Variants in RALA observed in about 807,000 individuals in gnomAD.
The protein encoded by RALA is RAS like proto-oncogene A.
A neutral mutation model predicts 24.0 loss-of-function variants in RALA; 5 were observed. That is an observed-to-expected ratio of 0.21 (90% CI 0.11 to 0.44). RALA has a LOEUF of 0.44. Ranked by LOEUF, RALA falls within the 20% of genes least tolerant of loss-of-function variation. RALA has a pLI of 0.99. For missense variants in RALA, 95 were observed against 241.2 expected (o/e 0.39, Z 4.01); for synonymous variants, 77 against 83.8 (o/e 0.92, Z 0.44).
chr7:39,659,120 AAC>A (rs1792142704), intron 1 of RALA, among the ~76,000 whole-genome samples: 1 of 151,998 alleles, frequency 6.6e-6, no homozygotes, highest in South Asian at 2.1e-4. Context: ...TCTAGAAAAA[AAC>A]ACAGCGAAAA....
intron 1 of RALA, among the ~76,000 whole-genome samples, chr7:39,635,324 G>A (rs560374976): frequency 5.9e-5 from 9 of 152,240 alleles, no homozygotes; most frequent in East Asian, 1.9e-4. Flanking sequence ...GCAGTGAGCC[G>A]AGATCGTGCC....
chr7:39,630,198 C>A (rs544503505), intron 1 of RALA, among the ~76,000 whole-genome samples: 1 of 150,722 alleles, frequency 6.6e-6, no homozygotes, highest in Non-Finnish European at 1.5e-5. Flanking sequence ...TGCATGCCAC[C>A]ATGCCTTGCT....
chr7:39,624,870 G>A (rs1383481812), intron 1 of RALA, among the ~76,000 whole-genome samples: 1 of 152,070 alleles, frequency 6.6e-6, no homozygotes, highest in Non-Finnish European at 1.5e-5. Context: ...GATTTCATTG[G>A]TAAACTCTTA....
chr7:39,698,766 C>T (rs1038731181), intron 4 of RALA, among the ~76,000 whole-genome samples: 4 of 152,086 alleles, frequency 2.6e-5, no homozygotes, highest in Non-Finnish European at 5.9e-5. Context: ...CATCTGTTGG[C>T]ATCAGAGGCC....
intron 1 of RALA, among the ~76,000 whole-genome samples, chr7:39,682,827 G>A (rs1792630147): frequency 6.6e-6 from 1 of 152,036 alleles, no homozygotes; most frequent in African/African-American, 2.4e-5. Context: ...TGTATTTTTA[G>A]TAGATGTGGG....
chr7:39,674,053 ATAAATAAATAAAT>A (rs1562618733), intron 1 of RALA, among the ~76,000 whole-genome samples: 22 of 110,062 alleles, frequency 2.0e-4, no homozygotes, highest in African/African-American at 6.4e-4. Flanking sequence ...AAATAAATAA[ATAAATAAATAAAT>A]AAATAAATAA....
At chr7:39,671,611 C>G (rs1170799201) in intron 1 of RALA, among the ~76,000 whole-genome samples, 2 of 152,090 alleles carry the variant, frequency 1.3e-5, no homozygotes, top group Non-Finnish European at 2.9e-5. Context: ...AGATAAAACT[C>G]GACCCTTCAT....
chr7:39,640,992 C>G (rs1444422122), intron 1 of RALA, among the ~76,000 whole-genome samples: 5 of 152,108 alleles, frequency 3.3e-5, no homozygotes, highest in Non-Finnish European at 5.9e-5. Context: ...CAGTTCTTCC[C>G]AGCTCAGCAG....
intron 1 of RALA, among the ~76,000 whole-genome samples, chr7:39,676,176 T>C (rs1295876534): frequency 1.3e-5 from 2 of 152,088 alleles, no homozygotes; most frequent in East Asian, 3.9e-4. Flanking sequence ...GGGGTTCCAC[T>C]GTGTTAGCCA....
rs770095773 is a variant in RALA at position 39,696,718 on chromosome 7, T to C, written c.357T>C (p.Asn119=). 1 of 1,608,420 alleles carries C rather than the reference T, an allele frequency of 6.2e-7. No individual in the cohort carries two copies. Among genetic ancestry groups the C allele is most frequent in the Admixed American group, 1.7e-5 (1 of 59,214 alleles). Residue 119 remains asparagine (N), a synonymous_variant, in exon 4 of 5, where the codon AAT becomes AAC. Transcript: ENST00000005257. ...TTTTAAGAGTAAAAGAAGATGAGAA[T>C]GTTCCATTTCTACTGGTTGGTAACA... ...EQILRVKEDE[N]VPFLLVGNKS...
chr7:39,662,490 C>G (rs1481522786), intron 1 of RALA, among the ~76,000 whole-genome samples: 1 of 152,148 alleles, frequency 6.6e-6, no homozygotes, highest in African/African-American at 2.4e-5. Context: ...GAAATTTCTT[C>G]CACCAGATGC....
In RALA at chr7:39,707,191, T is replaced by A. The variant is rs1793133717; in HGVS notation, c.*946T>A. The A allele has an allele frequency of 6.6e-6, 1 of 152,340 alleles. No individual in the cohort carries two copies. Among genetic ancestry groups the A allele is most frequent in the Non-Finnish European group, 1.5e-5 (1 of 68,042 alleles). 9.4% of individuals were successfully genotyped at this position (152,340 alleles called of 1,614,324 possible). A position where few individuals can be genotyped will look rare whatever the true frequency, so the allele number is the denominator to read the frequency against. ...ACCCTCCTTTTCTCTGAGATTCTGG[T>A]CCCTGGAAATCCCTTTCTGCTAGTG... is the stretch of plus-strand genomic sequence containing the variant. On this transcript the variant is annotated 3_prime_UTR_variant, in exon 5 of 5. Transcript: ENST00000005257.
At chr7:39,681,779 C>T (rs1792607867) in intron 1 of RALA, among the ~76,000 whole-genome samples, 1 of 151,812 alleles carries the variant, frequency 6.6e-6, no homozygotes, top group African/African-American at 2.4e-5. Flanking sequence ...ATTTTTTTTC[C>T]ATCTCTACCC....
chr7:39,681,382 A>G (rs896644129), intron 1 of RALA, among the ~76,000 whole-genome samples: 2 of 122,140 alleles, frequency 1.6e-5, no homozygotes, highest in African/African-American at 6.5e-5. Flanking sequence ...CAATGGTGCA[A>G]TCTTGGATCT....
chr7:39,636,814 G>A (rs935141189), intron 1 of RALA, among the ~76,000 whole-genome samples: 5 of 152,174 alleles, frequency 3.3e-5, no homozygotes, highest in African/African-American at 1.2e-4. Flanking sequence ...GGGGAAGCAA[G>A]CACATTCTCA....
intron 1 of RALA, among the ~76,000 whole-genome samples, chr7:39,676,553 C>T (rs982469345): frequency 1.3e-5 from 2 of 152,158 alleles, no homozygotes; most frequent in South Asian, 2.1e-4. Context: ...CTTAGAGGGT[C>T]ATATCATCAC....
intron 1 of RALA, among the ~76,000 whole-genome samples, chr7:39,664,362 C>CT (rs1792250048): frequency 6.6e-6 from 1 of 152,182 alleles, no homozygotes; most frequent in Non-Finnish European, 1.5e-5. Context: ...TTCATCAATG[C>CT]TTTGTCCCTG....
intron 1 of RALA, among the ~76,000 whole-genome samples, chr7:39,653,507 TA>T (rs1792052065): frequency 6.6e-6 from 1 of 152,062 alleles, no homozygotes; most frequent in African/African-American, 2.4e-5. Context: ...AAAACATTTT[TA>T]GTAGAGATGA....
At chr7:39,679,772 G>A (rs977750254) in intron 1 of RALA, among the ~76,000 whole-genome samples, 5 of 151,904 alleles carry the variant, frequency 3.3e-5, no homozygotes, top group East Asian at 1.9e-4. Flanking sequence ...GTGCAATGGC[G>A]CAGTCTTGGC....
Sources: gnomAD v4.1 joint callset for allele counts (sites outside exome capture counted in the v4.1 genomes callset) on GRCh38, gnomAD v4.1.1 for gene constraint, MANE v1.5 for transcripts, NCBI Gene and HGNC (gene_info 2026-07-23, HGNC 2026-07-21) for gene names.